Variants in MYO15B observed in about 807,000 individuals in gnomAD.
MYO15B encodes myosin XVB.
In MYO15B, 207 loss-of-function variants were observed where a neutral mutation model predicts 119.3. The observed-to-expected ratio is 1.73, with a 90% CI of 1.55 to 1.95. The LOEUF (loss-of-function observed/expected upper bound fraction) is 1.95, where lower values mean the gene tolerates loss of function less well. Ranked by LOEUF, MYO15B falls within the 30% of genes most tolerant of loss-of-function variation. The pLI is 0.00. For synonymous variants in MYO15B, 966 were observed against 498.9 expected (o/e 1.94, Z -12.48); for missense variants, 2,264 against 1,203.1 (o/e 1.88, Z -13.04).
rs2056243022 is a variant in MYO15B at position 75,589,080 on chromosome 17, CA to C, written c.1024del (p.Arg342GlyfsTer27). 5.1e-6 allele frequency: 2 copies of C among 394,788 alleles called. No homozygotes were observed. Among genetic ancestry groups the C allele is most frequent in the Non-Finnish European group, 8.9e-6 (2 of 223,660 alleles). The allele number at this position is 394,788 out of a possible 1,614,324, so 24.5% of individuals were successfully genotyped here. ...CGCTGGCGGCCCTCCTGGTGGTCCG[CA>C]GGCTCCTCGCGAGGCCCCCGCCAGG... On this transcript the variant is annotated frameshift_variant, in exon 1 of 64. Transcript: ENST00000645453. LOFTEE classifies it high-confidence loss of function. The surrounding 1 kb of genome is among the most constrained non-coding windows in gnomAD (Gnocchi z 4.2).
rs138429565 is a variant in MYO15B, at chr17:75,621,156, C to T, written c.7851C>T (p.Tyr2617=). ...CCATGCAGGAATTCGCCCGGCGTTA[C>T]TTCCGGAGGTCCCAGGCCTTGTGAG... Residue 2617 remains tyrosine (Y), a synonymous_variant, in exon 50 of 64, where the codon TAC becomes TAT. Coordinates refer to ENST00000645453, the Ensembl canonical transcript of MYO15B. 1.3e-3 allele frequency: 941 copies of T among 698,786 alleles called. 3 individuals are homozygous for T. The highest frequency in any genetic ancestry group is 1.2e-3 in the Non-Finnish European group (462 of 382,522). The allele number at this position is 698,786 out of a possible 1,614,324, so 43.3% of individuals were successfully genotyped here. A position where few individuals can be genotyped will look rare whatever the true frequency, so the allele number is the denominator to read the frequency against.
chr17:75,623,050 G>C (rs2058798905), intron 53 of MYO15B, among the ~76,000 whole-genome samples: 1 of 130,542 alleles, frequency 7.7e-6, no homozygotes, highest in South Asian at 2.3e-4. Flanking sequence ...GAGAAGCAGG[G>C]GCCGGGCGCG....
exon 28 of MYO15B, chr17:75,613,384 G>A: frequency 1.5e-6 from 1 of 672,530 alleles, no homozygotes; most frequent in South Asian, 1.6e-5. Flanking sequence ...GGCCTCGGGG[G>A]CCACTCGGGC....
intron 19 of MYO15B, among the ~76,000 whole-genome samples, chr17:75,605,122 A>G (rs1244018046): frequency 6.9e-6 from 1 of 145,658 alleles, no homozygotes; most frequent in Non-Finnish European, 1.5e-5. Flanking sequence ...GGACAATGAG[A>G]ATGAAACTCT....
In MYO15B at chr17:75,616,387, AG is replaced by A; in HGVS notation, c.6187del (p.Glu2063ArgfsTer29). The A allele has an allele frequency of 1.6e-6, 1 of 613,646 alleles. No homozygotes were observed. Among genetic ancestry groups the A allele is most frequent in the Non-Finnish European group, 2.9e-6 (1 of 346,664 alleles). The allele number at this position is 613,646 out of a possible 1,614,324, so 38.0% of individuals were successfully genotyped here. Reference sequence around the variant, plus strand: ...ATCCCCCAGGGGGAAGCGCAGGAGGAGGAGGAGGAGGAGGAGGAGGAGGAGG... The same window carrying A: ...ATCCCCCAGGGGGAAGCGCAGGAGGAGAGGAGGAGGAGGAGGAGGAGGAGG... On this transcript the variant is annotated frameshift_variant, in exon 38 of 64. Coordinates refer to ENST00000645453, the Ensembl canonical transcript of MYO15B. LOFTEE classifies it high-confidence loss of function.
intron 12 of MYO15B, among the ~76,000 whole-genome samples, chr17:75,595,726 GT>G (rs2056814387): frequency 6.6e-6 from 1 of 152,212 alleles, no homozygotes; most frequent in South Asian, 2.1e-4. Context: ...AGGCCCCAGG[GT>G]GGGCCCGCCT....
At chr17:75,625,023 G>C (rs1011592050) in intron 59 of MYO15B, 100 bp from the exon 60 acceptor site, 1 of 658,652 alleles carries the variant, frequency 1.5e-6, no homozygotes, top group Non-Finnish European at 2.8e-6. Context: ...TGTGGTGGCT[G>C]GGGGGTGACA....
At chr17:75,603,123 C>T (rs1264044246) in intron 18 of MYO15B, 46 bp downstream of exon 18, 1 of 703,162 alleles carries the variant, frequency 1.4e-6, no homozygotes, top group Non-Finnish European at 2.6e-6. Flanking sequence ...CCTCCCTGCA[C>T]CTCCCTCCCC....
At chr17:75,625,089 C>A in intron 59 of MYO15B, 34 bp from the exon 60 acceptor site, 1 of 667,608 alleles carries the variant, frequency 1.5e-6, no homozygotes, top group South Asian at 1.6e-5. Flanking sequence ...GGCTTTGGAC[C>A]ACCGCTGCCC....
intron 3 of MYO15B, 63 bp downstream of exon 3, chr17:75,591,079 C>A: frequency 2.9e-6 from 2 of 690,384 alleles, no homozygotes; most frequent in South Asian, 1.5e-5. Flanking sequence ...CCTGCATGTC[C>A]CCTTGACTGA....
At chr17:75,592,002 G>T (rs1438214728) in exon 6 of MYO15B, 2 of 702,720 alleles carry the variant, frequency 2.8e-6, no homozygotes, top group Non-Finnish European at 5.2e-6. Context: ...CCTATACTCA[G>T]CAGCTTTGGC....
chr17:75,589,136 G>C lies in MYO15B; in HGVS notation c.1079G>C (p.Arg360Pro), dbSNP rs1017895029. ...GCTTCCCAGGCCGTGGGCCCCCGCC[G>C]CGCTGGCCTCAAGGAGCGGCTCCTG... Residue 360 changes from arginine to proline, a missense_variant, in exon 1 of 64, where the codon CGC becomes CCC. Transcript: ENST00000645453. The surrounding 1 kb of genome is among the most constrained non-coding windows in gnomAD (Gnocchi z 4.2). 2 of 391,370 alleles carry C rather than the reference G, an allele frequency of 5.1e-6. No homozygotes were observed. Among genetic ancestry groups the C allele is most frequent in the Non-Finnish European group, 9.0e-6 (2 of 221,412 alleles). The allele number at this position is 391,370 out of a possible 1,614,324, so 24.2% of individuals were successfully genotyped here.
exon 10 of MYO15B, chr17:75,594,584 T>C: frequency 1.5e-6 from 1 of 665,914 alleles, no homozygotes; most frequent in African/African-American, 1.8e-5. Context: ...ACCAGGAGGG[T>C]CACGGTGAGC....
intron 2 of MYO15B, 40 bp from the exon 3 acceptor site, chr17:75,590,867 C>A (rs2056396075): frequency 2.8e-6 from 1 of 354,728 alleles, no homozygotes. Flanking sequence ...ATTCCCCCTG[C>A]TCCCTCCACA....
At chr17:75,608,285 ATT>A (rs1406346748) in intron 21 of MYO15B, among the ~76,000 whole-genome samples, 1 of 151,392 alleles carries the variant, frequency 6.6e-6, no homozygotes, top group Non-Finnish European at 1.5e-5. Flanking sequence ...TGCCCAGTTA[ATT>A]TTTGTGTTTT....
rs1022956447 is a variant in MYO15B, at chr17:75,624,413, G to T, written c.8411G>T (p.Gly2804Val). The T allele has an allele frequency of 5.7e-6, 4 of 702,614 alleles. No homozygotes were observed. In the Admixed American group the frequency reaches 8.0e-5, roughly 14 times the overall value. The allele number at this position is 702,614 out of a possible 1,614,324, so 43.5% of individuals were successfully genotyped here. A position where few individuals can be genotyped will look rare whatever the true frequency, so the allele number is the denominator to read the frequency against. ...CTGCTTCTTATTCACCTGCCGGGGG[G>T]TGTGGATTATAGGACGAATATCCAG... is the stretch of plus-strand genomic sequence containing the variant. The change falls in exon 57 of 64, where the codon GGT becomes GTT. Residue 2804 changes from glycine (G) to valine (V), a missense_variant. Transcript: ENST00000645453.
At chr17:75,596,420 C>T (rs1238746785) in intron 12 of MYO15B, 40 bp from the exon 13 acceptor site, 1 of 702,112 alleles carries the variant, frequency 1.4e-6, no homozygotes, top group Non-Finnish European at 2.6e-6. Flanking sequence ...GGGGGGAGGG[C>T]ACAGCCCCAT....
exon 20 of MYO15B, chr17:75,605,564 C>T (rs372255043): frequency 8.5e-6 from 6 of 702,840 alleles, no homozygotes; most frequent in Admixed American, 4.0e-5. Context: ...AGTGTGGTGC[C>T]GTCCTGAGCC....
At chr17:75,606,764 T>C (rs546180630) in intron 21 of MYO15B, among the ~76,000 whole-genome samples, 3 of 151,586 alleles carry the variant, frequency 2.0e-5, no homozygotes, top group Non-Finnish European at 4.4e-5. Context: ...TGAGCCACCG[T>C]GCCCAGCTAC....
Sources: gnomAD v4.1 joint callset for allele counts (sites outside exome capture counted in the v4.1 genomes callset) on GRCh38, gnomAD v4.1.1 for gene constraint, Gnocchi (gnomAD v3.1) non-coding constraint, MANE v1.5 for transcripts, NCBI Gene and HGNC (gene_info 2026-07-23, HGNC 2026-07-21) for gene names.